The following CORO2A variants were observed in gnomAD, a reference collection of about 807,000 sequenced individuals.
CORO2A encodes the protein coronin 2A, also known as coronin-2A.
A neutral mutation model predicts 62.4 loss-of-function variants in CORO2A; 47 were observed. That is an observed-to-expected ratio of 0.75 (90% CI 0.60 to 0.96). The LOEUF (loss-of-function observed/expected upper bound fraction) is 0.96, where lower values mean the gene tolerates loss of function less well. Ranked by LOEUF, CORO2A falls within the 40% of genes least tolerant of loss-of-function variation. The pLI is 0.00. For synonymous variants in CORO2A, 273 were observed against 268.9 expected (o/e 1.02, Z -0.15); for missense variants, 610 against 684.1 (o/e 0.89, Z 1.21).
chr9:98,128,725 G>A lies in CORO2A; in HGVS notation c.968-6C>T, dbSNP rs1361848441. ...TCCTCTCTTTGGCATGACACCTGAA[G>A]GCAGACAGGGAGGGCCAAGAGGTTC... is the stretch of plus-strand genomic sequence containing the variant. On this transcript the variant is annotated splice_region_variant and splice_polypyrimidine_tract_variant and intron_variant, in intron 8 of 11. Transcript: ENST00000375077. 5.0e-6 allele frequency: 8 copies of A among 1,612,994 alleles called. No individual in the cohort carries two copies. The Admixed American group carries it at 1.0e-4, about 20-fold the overall frequency.
At chr9:98,173,772 C>T (rs1249508056) in intron 1 of CORO2A, among the ~76,000 whole-genome samples, 1 of 152,172 alleles carries the variant, frequency 6.6e-6, no homozygotes, top group Non-Finnish European at 1.5e-5. Context: ...TTCTCTAAGT[C>T]TTGATACCAC....
At chr9:98,126,919 G>C in intron 10 of CORO2A, 96 bp from the exon 11 acceptor site, 1 of 1,343,234 alleles carries the variant, frequency 7.4e-7, no homozygotes, top group Non-Finnish European at 1.1e-6. Flanking sequence ...GAGACACTCA[G>C]AGCCATGCAG....
At chr9:98,164,890 TG>T (rs1009269898) in intron 1 of CORO2A, among the ~76,000 whole-genome samples, 2 of 152,074 alleles carry the variant, frequency 1.3e-5, no homozygotes, top group African/African-American at 4.8e-5. Context: ...AGCGCTAAAC[TG>T]GGGGAAGTCT....
At chr9:98,126,869 G>T in intron 10 of CORO2A, 46 bp from the exon 11 acceptor site, 1 of 1,605,770 alleles carries the variant, frequency 6.2e-7, no homozygotes, top group South Asian at 1.1e-5. Context: ...CCCACGGGAA[G>T]ATGGGCATAT....
At chr9:98,140,204 C>G (rs536088612) in intron 2 of CORO2A, among the ~76,000 whole-genome samples, 1 of 152,284 alleles carries the variant, frequency 6.6e-6, no homozygotes, top group East Asian at 1.9e-4. Context: ...AAAGAGACAG[C>G]TGAGAAGAAA....
At chr9:98,171,986 G>A (rs1020249665) in intron 1 of CORO2A, among the ~76,000 whole-genome samples, 9 of 151,900 alleles carry the variant, frequency 5.9e-5, no homozygotes, top group African/African-American at 2.2e-4. Flanking sequence ...ACTTTGGGCT[G>A]GTATCGAAGG....
At chr9:98,127,326 G>C (rs184343000) in intron 10 of CORO2A, among the ~76,000 whole-genome samples, 3 of 152,194 alleles carry the variant, frequency 2.0e-5, no homozygotes, top group Admixed American at 6.5e-5. Flanking sequence ...AGTACACCAG[G>C]AGGCCCGCTC....
chr9:98,171,293 T>C (rs753880915), intron 1 of CORO2A, among the ~76,000 whole-genome samples: 20 of 152,180 alleles, frequency 1.3e-4, no homozygotes, highest in Non-Finnish European at 1.3e-4. Flanking sequence ...ACTCTGGTCC[T>C]GGGGTGGGCA....
intron 1 of CORO2A, among the ~76,000 whole-genome samples, chr9:98,171,120 A>G (rs1403021520): frequency 6.6e-6 from 1 of 152,230 alleles, no homozygotes; most frequent in Admixed American, 6.5e-5. Flanking sequence ...AGACACCTCC[A>G]GGAGGCTGAA....
chr9:98,181,334 CTTTTTT>C lies in CORO2A; in HGVS notation c.-1+11219_-1+11224del, dbSNP rs575456152. On this transcript the variant is annotated intron_variant, in intron 1 of 11. Transcript: ENST00000375077. The stretch of plus-strand genomic sequence containing the variant: ...ACCTTCAAATCATCTCTCTCTCTTG[CTTTTTT>C]TTTTTTTTTTTTTTTTTAAGAGATG... 6.2e-5 allele frequency among the ~76,000 whole-genome samples: 7 copies of C among 112,226 alleles called. No homozygotes were observed. In the East Asian group the frequency reaches 1.6e-3, roughly 26 times the overall value. The allele number at this position is 112,226 out of a possible 152,430, so 73.6% of individuals were successfully genotyped here. A position where few individuals can be genotyped will look rare whatever the true frequency, so the allele number is the denominator to read the frequency against.
intron 1 of CORO2A, among the ~76,000 whole-genome samples, chr9:98,174,997 A>G (rs57830760): frequency 0.045 from 6,811 of 152,242 alleles, 254 homozygotes; most frequent in East Asian, 0.2. Flanking sequence ...AAGAGAAATG[A>G]CAGCACTTAG....
At chr9:98,173,582 A>G (rs1047358950) in intron 1 of CORO2A, among the ~76,000 whole-genome samples, 1 of 152,178 alleles carries the variant, frequency 6.6e-6, no homozygotes, top group African/African-American at 2.4e-5. Flanking sequence ...CTCTGAGGCC[A>G]GCACTCCGGA....
At chr9:98,148,458 A>G (rs1827675576) in intron 2 of CORO2A, among the ~76,000 whole-genome samples, 2 of 151,686 alleles carry the variant, frequency 1.3e-5, no homozygotes, top group African/African-American at 4.8e-5. Context: ...GAAGGAACAC[A>G]TAATTGAGGC....
intron 1 of CORO2A, among the ~76,000 whole-genome samples, chr9:98,167,103 CAAA>C (rs35581733): frequency 8.1e-5 from 8 of 98,848 alleles, no homozygotes; most frequent in Admixed American, 1.1e-4. Context: ...GATCCTGTCT[CAAA>C]AAAAAAAAAA....
intron 2 of CORO2A, among the ~76,000 whole-genome samples, chr9:98,156,961 T>C (rs1453299021): frequency 6.6e-6 from 1 of 152,212 alleles, no homozygotes; most frequent in Admixed American, 6.5e-5. Flanking sequence ...TGTGAAAATG[T>C]TGCTTTTTTG....
At chr9:98,131,253 C>G (rs1827404388) in intron 6 of CORO2A, among the ~76,000 whole-genome samples, 194 bp from the exon 7 acceptor site, 1 of 151,762 alleles carries the variant, frequency 6.6e-6, no homozygotes, top group Non-Finnish European at 1.5e-5. Flanking sequence ...GGGCTACTCT[C>G]TAGTGGAGAT....
At chr9:98,179,805 C>T (rs1410113267) in intron 1 of CORO2A, among the ~76,000 whole-genome samples, 2 of 152,020 alleles carry the variant, frequency 1.3e-5, no homozygotes, top group East Asian at 3.9e-4. Context: ...GAGTTTGAGA[C>T]CAGCCTGATC....
At chr9:98,172,295 C>T (rs1250679033) in intron 1 of CORO2A, among the ~76,000 whole-genome samples, 1 of 144,186 alleles carries the variant, frequency 6.9e-6, no homozygotes, top group Non-Finnish European at 1.5e-5. Flanking sequence ...GACCCCACGC[C>T]CCACTTCCGA....
rs553643895 is a variant in CORO2A, at chr9:98,139,592, G to A, written c.202-1904C>T. ...CGGTGAGCTGAGATTGTGCCACTGC[G>A]TTCCAGCCTGGGCAATAGAGTGAGA... is the stretch of plus-strand genomic sequence containing the variant. On this transcript the variant is annotated intron_variant, in intron 2 of 11. Coordinates refer to ENST00000375077, the MANE Select transcript of CORO2A (RefSeq NM_052820.4). Among the ~76,000 whole-genome samples, 8 of 152,172 alleles carry A rather than the reference G, an allele frequency of 5.3e-5. 1 individual carries two copies. Among genetic ancestry groups the A allele is most frequent in the Middle Eastern group, 3.4e-3 (1 of 294 alleles).
Sources: allele counts gnomAD v4.1 joint callset (sites outside exome capture counted in the v4.1 genomes callset), GRCh38; gene constraint gnomAD v4.1.1; transcripts MANE v1.5; gene names NCBI Gene and HGNC (gene_info 2026-07-23, HGNC 2026-07-21).